The following RAPGEF6 variants were observed in gnomAD, a reference collection of about 807,000 sequenced individuals.
RAPGEF6 encodes PDZ domain containing guanine nucleotide exchange factor (GEF) 2.
A neutral mutation model predicts 171.4 loss-of-function variants in RAPGEF6; 56 were observed. The observed-to-expected ratio is 0.33, with a 90% CI of 0.26 to 0.41. The LOEUF (loss-of-function observed/expected upper bound fraction) is 0.41, where lower values mean the gene tolerates loss of function less well. RAPGEF6 is among the 10% of genes least tolerant of loss of function. The probability of loss-of-function intolerance (pLI) is 1.00; values close to 1 mark genes in which losing one functional copy is unlikely to be tolerated. For synonymous variants in RAPGEF6, 692 were observed against 650.1 expected, an observed-to-expected ratio of 1.06 and a Z score of -0.98; for missense variants, 1,674 against 1,921.4, an observed-to-expected ratio of 0.87 and a Z score of 2.41.
chr5:131,502,302 G>C (rs1217449706), intron 11 of RAPGEF6, among the ~76,000 whole-genome samples: 2 of 152,196 alleles, frequency 1.3e-5, no homozygotes, highest in South Asian at 4.1e-4. Flanking sequence ...GTGCCGAATA[G>C]AAGTTTGTAT....
rs531019425 is a variant in RAPGEF6 at position 131,605,935 on chromosome 5, C to CAGG, written c.70-1245_70-1243dup. Reference sequence around the variant, plus strand: ...GTCCCAGCTACTCGGGAGGCTAAGGCAGGAGAATGGCGTGAACCCGGCAGG... The same window carrying CAGG: ...GTCCCAGCTACTCGGGAGGCTAAGGCAGGAGGAGAATGGCGTGAACCCGGCAGG... On this transcript the variant is annotated intron_variant, in intron 1 of 27. Transcript: ENST00000509018. 4.5e-3 allele frequency among the ~76,000 whole-genome samples: 645 copies of CAGG among 142,160 alleles called. 7 individuals are homozygous for CAGG. Among genetic ancestry groups the CAGG allele is most frequent in the African/African-American group, 0.016 (609 of 37,200 alleles). 93.3% of individuals were successfully genotyped at this position (142,160 alleles called of 152,430 possible).
intron 4 of RAPGEF6, among the ~76,000 whole-genome samples, chr5:131,577,797 TC>T (rs1375897343): frequency 6.6e-6 from 1 of 152,114 alleles, no homozygotes; most frequent in African/African-American, 2.4e-5. Context: ...ACAAGTACTC[TC>T]CCCTACTTCC....
chr5:131,498,281 T>G (rs1244540256), intron 12 of RAPGEF6, among the ~76,000 whole-genome samples, 162 bp downstream of exon 12: 1 of 152,230 alleles, frequency 6.6e-6, no homozygotes, highest in Non-Finnish European at 1.5e-5. Flanking sequence ...TATTCTGTCA[T>G]AAAAGTAAGC....
intron 25 of RAPGEF6, among the ~76,000 whole-genome samples, chr5:131,432,638 T>TA (rs771498749): frequency 2.6e-3 from 367 of 142,142 alleles, no homozygotes; most frequent in African/African-American, 4.6e-3. Context: ...GACTCCGCCT[T>TA]AAAAAAAAAA....
In RAPGEF6 at chr5:131,510,382, A is replaced by G. The variant is rs1441173370; in HGVS notation, c.737T>C (p.Leu246Ser). 1.1e-5 allele frequency: 17 copies of G among 1,614,166 alleles called. No homozygotes were observed. Among genetic ancestry groups the G allele is most frequent in the Non-Finnish European group, 1.4e-5 (16 of 1,180,024 alleles). Residue 246 changes from leucine (L) to serine (S), a missense_variant, in exon 8 of 28, where the codon TTG becomes TCG. By Grantham distance (145) the Leu-to-Ser change is moderately radical. Transcript: ENST00000509018. ...EDEEIDRTDP[L>S]QGRDLVRECL... ...TTCTCGAACAAGATCTCGCCCCTGCAATGGATCTGTTCGATCAATCTCTTC... is the reference window on the plus strand; with the variant it reads ...TTCTCGAACAAGATCTCGCCCCTGCGATGGATCTGTTCGATCAATCTCTTC...
At chr5:131,452,952 G>A in intron 21 of RAPGEF6, 102 bp downstream of exon 21, 1 of 1,419,582 alleles carries the variant, frequency 7.0e-7, no homozygotes, top group East Asian at 2.5e-5. Context: ...ACTTTGTACA[G>A]CACACATGGT....
rs909901557 is a variant in RAPGEF6, at chr5:131,427,258, T to C, written c.*8A>G. The stretch of plus-strand genomic sequence containing the variant: ...CTTTCAGTGGTTTTCAAATAGGTCA[T>C]CCAAAGGCTAGACTGCTGAAACTTG... On this transcript the variant is annotated 3_prime_UTR_variant, in exon 28 of 28. Coordinates refer to ENST00000509018, the MANE Select transcript of RAPGEF6 (RefSeq NM_016340.6). The C allele has an allele frequency of 6.2e-7, 1 of 1,608,990 alleles. No individual in the cohort carries two copies. Among genetic ancestry groups the C allele is most frequent in the African/African-American group, 1.3e-5 (1 of 74,828 alleles).
chr5:131,592,244 T>C (rs1241804688), intron 4 of RAPGEF6, 139 bp downstream of exon 4: 1 of 1,366,404 alleles, frequency 7.3e-7, no homozygotes, highest in African/African-American at 1.5e-5. Context: ...AAAGATTAAC[T>C]GATTCCTGCC....
At chr5:131,486,907 A>G (rs1755931720) in intron 15 of RAPGEF6, among the ~76,000 whole-genome samples, 1 of 152,050 alleles carries the variant, frequency 6.6e-6, no homozygotes, top group African/African-American at 2.4e-5. Flanking sequence ...AGAATCTATA[A>G]GATCACTCAT....
At chr5:131,567,764 C>T (rs1762040016) in intron 4 of RAPGEF6, among the ~76,000 whole-genome samples, 1 of 152,112 alleles carries the variant, frequency 6.6e-6, no homozygotes, top group African/African-American at 2.4e-5. Context: ...TACTAATTTT[C>T]AGTCTAGTGG....
intron 4 of RAPGEF6, among the ~76,000 whole-genome samples, chr5:131,577,295 A>G (rs1449922782): frequency 6.6e-6 from 1 of 152,198 alleles, no homozygotes; most frequent in African/African-American, 2.4e-5. Context: ...AATGGTAGAA[A>G]GAACTAATGG....
intron 4 of RAPGEF6, among the ~76,000 whole-genome samples, chr5:131,589,053 G>A (rs1026329622): frequency 6.6e-6 from 1 of 151,938 alleles, no homozygotes; most frequent in Non-Finnish European, 1.5e-5. Flanking sequence ...CTGGGTGACA[G>A]AGTGAGACTC....
At chr5:131,613,849 C>T (rs1201130894) in intron 1 of RAPGEF6, among the ~76,000 whole-genome samples, 1 of 152,070 alleles carries the variant, frequency 6.6e-6, no homozygotes, top group East Asian at 1.9e-4. Context: ...GCAAATTATT[C>T]AAGTGTTACC....
chr5:131,524,582 A>C (rs1462736977), intron 6 of RAPGEF6, among the ~76,000 whole-genome samples: 1 of 137,244 alleles, frequency 7.3e-6, no homozygotes, highest in African/African-American at 2.7e-5. Flanking sequence ...GAGGAGAGAG[A>C]GGGAGAGGGA....
chr5:131,573,530 G>GAA (rs1441985427), intron 4 of RAPGEF6, among the ~76,000 whole-genome samples: 1 of 151,946 alleles, frequency 6.6e-6, no homozygotes, highest in Non-Finnish European at 1.5e-5. Flanking sequence ...AGATGAACAA[G>GAA]AAAGAGTTTA....
At chr5:131,579,989 C>G (rs1419170792) in intron 4 of RAPGEF6, among the ~76,000 whole-genome samples, 1 of 152,248 alleles carries the variant, frequency 6.6e-6, no homozygotes, top group Non-Finnish European at 1.5e-5. Context: ...GGACCCAGCA[C>G]CAGGGCTGCG....
chr5:131,537,929 C>CA (rs35059784), intron 6 of RAPGEF6, among the ~76,000 whole-genome samples: 2 of 151,302 alleles, frequency 1.3e-5, no homozygotes, highest in Non-Finnish European at 2.9e-5. Context: ...TCCGTCTCTA[C>CA]AAAAAAAAAC....
intron 18 of RAPGEF6, 129 bp downstream of exon 18, chr5:131,463,912 C>T (rs1283126586): frequency 1.4e-6 from 2 of 1,414,990 alleles, no homozygotes; most frequent in East Asian, 4.8e-5. Context: ...GATATTTTAT[C>T]AAGCGTCTTC....
chr5:131,566,623 C>T (rs1761955313), intron 4 of RAPGEF6, among the ~76,000 whole-genome samples: 1 of 152,072 alleles, frequency 6.6e-6, no homozygotes, highest in Non-Finnish European at 1.5e-5. Context: ...TCTACCATTA[C>T]CCTAATACAA....
Sources: allele counts gnomAD v4.1 joint callset (sites outside exome capture counted in the v4.1 genomes callset), GRCh38; gene constraint gnomAD v4.1.1; transcripts MANE v1.5; gene names NCBI Gene and HGNC (gene_info 2026-07-23, HGNC 2026-07-21).